XKR9: variants seen among roughly 807,000 people sequenced by gnomAD.
The protein encoded by XKR9 is XK related 9, also known as XK-related protein 9.
A neutral mutation model predicts 32.0 loss-of-function variants in XKR9; 32 were observed. That is an observed-to-expected ratio of 1.00 (90% CI 0.76 to 1.34). The LOEUF (loss-of-function observed/expected upper bound fraction) is 1.34. Among genes scored for constraint, XKR9 ranks in the 40% most tolerant of loss-of-function variants. XKR9 has a pLI of 0.00. For missense variants in XKR9, 546 were observed against 429.7 expected (o/e 1.27, Z -2.39); for synonymous variants, 168 against 143.4 (o/e 1.17, Z -1.22).
At chr8:71,003,613 T>C in the XKR9 span, among the ~76,000 whole-genome samples, 1 of 152,336 alleles carries the variant, frequency 6.6e-6, no homozygotes, top group East Asian at 1.9e-4. Flanking sequence ...GGGGCTGGTT[T>C]ACTGCTATCT....
In XKR9 at chr8:70,769,394, T is replaced by C. The variant is rs184618070; in HGVS notation, n.353-19945T>C. On this transcript the variant is annotated intron_variant and non_coding_transcript_variant, in intron 2 of 3. Transcript: ENST00000520273. ...ATTTTTTTCTTTGTTTCAGCCTTGG[T>C]GAATCTGACAATTATGTGTCTTGTG... 5.9e-5 allele frequency among the ~76,000 whole-genome samples: 9 copies of C among 152,238 alleles called. No individual in the cohort carries two copies. The East Asian group carries it at 1.7e-3, about 29-fold the overall frequency.
chr8:70,868,452 G>C, the XKR9 span, among the ~76,000 whole-genome samples: 1 of 152,068 alleles, frequency 6.6e-6, no homozygotes, highest in Non-Finnish European at 1.5e-5. Flanking sequence ...TTCAACACCA[G>C]GTGGAAGCTG....
At chr8:70,978,523 G>T in the XKR9 span, among the ~76,000 whole-genome samples, 2 of 152,134 alleles carry the variant, frequency 1.3e-5, no homozygotes, top group Non-Finnish European at 2.9e-5. Context: ...CGAAATTCTG[G>T]GTTGAAAATT....
chr8:70,784,410 AT>A (rs34801661), intron 2 of XKR9, among the ~76,000 whole-genome samples: 80,692 of 151,436 alleles, frequency 0.53, 22,467 homozygotes, highest in Middle Eastern at 0.62. Context: ...TAGTGTACAG[AT>A]TTTTTTTACC....
the XKR9 span, among the ~76,000 whole-genome samples, chr8:70,897,730 A>AT: frequency 2.6e-5 from 4 of 151,990 alleles, no homozygotes; most frequent in African/African-American, 4.8e-5. Context: ...GGATTATTAG[A>AT]TTTTTTTCTG....
chr8:71,031,100 A>G, the XKR9 span, among the ~76,000 whole-genome samples: 1 of 152,194 alleles, frequency 6.6e-6, no homozygotes, highest in African/African-American at 2.4e-5. Flanking sequence ...TGGAGACTAC[A>G]TTCTATTTAT....
At chr8:70,996,238 G>A in the XKR9 span, among the ~76,000 whole-genome samples, 667 of 152,212 alleles carry the variant, frequency 4.4e-3, 5 homozygotes, top group Non-Finnish European at 7.4e-3. Flanking sequence ...ATTAATTTTT[G>A]TTTTTGCTTT....
At chr8:70,760,049 T>C (rs1367291323) in intron 2 of XKR9, among the ~76,000 whole-genome samples, 1 of 152,234 alleles carries the variant, frequency 6.6e-6, no homozygotes, top group Non-Finnish European at 1.5e-5. Flanking sequence ...ATTTTAATAT[T>C]CACATGTGAA....
chr8:70,673,317 A>C (rs937315390), intron 1 of XKR9, among the ~76,000 whole-genome samples: 4 of 152,200 alleles, frequency 2.6e-5, no homozygotes, highest in African/African-American at 9.7e-5. Flanking sequence ...CCATTTAATC[A>C]ATTGCCAAGC....
At chr8:71,057,127 A>G in the XKR9 span, among the ~76,000 whole-genome samples, 2 of 152,182 alleles carry the variant, frequency 1.3e-5, no homozygotes, top group African/African-American at 4.8e-5. Flanking sequence ...ATTTGTGGCT[A>G]CAGAGCATCT....
intron 2 of XKR9, among the ~76,000 whole-genome samples, chr8:70,762,518 G>A (rs546534291): frequency 6.6e-6 from 1 of 152,314 alleles, no homozygotes; most frequent in East Asian, 1.9e-4. Context: ...CTCCTTATGA[G>A]AATCTAACGC....
the XKR9 span, among the ~76,000 whole-genome samples, chr8:70,928,164 T>C: frequency 6.6e-6 from 1 of 152,140 alleles, no homozygotes; most frequent in Non-Finnish European, 1.5e-5. Context: ...TGCTGTAGCC[T>C]CCCAAGTAGC....
chr8:70,894,220 C>T, the XKR9 span, among the ~76,000 whole-genome samples: 1 of 151,806 alleles, frequency 6.6e-6, no homozygotes, highest in East Asian at 1.9e-4. Flanking sequence ...TAGGGTTTGA[C>T]AGTATACTAG....
the XKR9 span, among the ~76,000 whole-genome samples, chr8:70,968,953 T>C: frequency 6.6e-6 from 1 of 152,224 alleles, no homozygotes; most frequent in Non-Finnish European, 1.5e-5. Context: ...AGAAGCAGCC[T>C]GACTGCCCCT....
chr8:70,899,564 C>G, the XKR9 span, among the ~76,000 whole-genome samples: 1 of 151,942 alleles, frequency 6.6e-6, no homozygotes, highest in South Asian at 2.1e-4. Context: ...ATTGCAGATC[C>G]ATCTTTAAGC....
chr8:70,975,673 C>T, the XKR9 span, among the ~76,000 whole-genome samples: 3 of 152,230 alleles, frequency 2.0e-5, no homozygotes, highest in South Asian at 4.1e-4. Flanking sequence ...AGTCAGGTAG[C>T]GCGATGCCTC....
chr8:70,682,918 T>A (rs371007083), intron 3 of XKR9, among the ~76,000 whole-genome samples: 1 of 152,362 alleles, frequency 6.6e-6, no homozygotes, highest in South Asian at 2.1e-4. Context: ...AGTGAGTTCA[T>A]ACAAAGCTGC....
chr8:70,991,550 GA>G, the XKR9 span, among the ~76,000 whole-genome samples: 6 of 152,144 alleles, frequency 3.9e-5, no homozygotes, highest in South Asian at 8.3e-4. Context: ...ATAAATTGAG[GA>G]AACACTGGCT....
At chr8:70,797,261 G>C in the XKR9 span, among the ~76,000 whole-genome samples, 1 of 152,140 alleles carries the variant, frequency 6.6e-6, no homozygotes, top group African/African-American at 2.4e-5. Context: ...GGAGAGTAGA[G>C]GGTGTCACCT....
Sources: allele counts gnomAD v4.1 joint callset (sites outside exome capture counted in the v4.1 genomes callset), GRCh38; gene constraint gnomAD v4.1.1; transcripts MANE v1.5; gene names NCBI Gene and HGNC (gene_info 2026-07-23, HGNC 2026-07-21).